The following PIBF1 variants were observed in gnomAD, a reference collection of about 807,000 sequenced individuals.
PIBF1 encodes progesterone immunomodulatory binding factor 1, also known as progesterone-induced-blocking factor 1.
Under a neutral mutation model 112.5 loss-of-function variants are expected in PIBF1, and 90 were observed. The observed-to-expected ratio is 0.80, with a 90% CI of 0.67 to 0.95. The LOEUF (loss-of-function observed/expected upper bound fraction) is 0.95, where lower values mean the gene tolerates loss of function less well. PIBF1 is among the 40% of genes least tolerant of loss of function. PIBF1 has a pLI of 0.00. For synonymous variants in PIBF1, 301 were observed against 288.6 expected (o/e 1.04, Z -0.44); for missense variants, 915 against 852.3 (o/e 1.07, Z -0.92).
chr13:72,953,910 A>C (rs1451331655), intron 14 of PIBF1, among the ~76,000 whole-genome samples: 2 of 152,070 alleles, frequency 1.3e-5, no homozygotes, highest in Non-Finnish European at 2.9e-5. Flanking sequence ...GAGCCTCCAA[A>C]TATCCCTGTC....
rs1465733208 is a variant in PIBF1, at chr13:72,904,267, A to G, written c.1489-4264A>G. Among the ~76,000 whole-genome samples the G allele has an allele frequency of 4.0e-5, 6 of 151,870 alleles. No individual in the cohort carries two copies. In the South Asian group the frequency reaches 6.2e-4, roughly 16 times the overall value. ...ATGCAAAGAAACTGAAAGTTATTCA[A>G]TTAGAAGCCTTTCTCAATTGAAAAT... On this transcript the variant is annotated intron_variant, in intron 11 of 17. Transcript: ENST00000326291.
chr13:72,930,595 A>G (rs1044241716), intron 13 of PIBF1, among the ~76,000 whole-genome samples: 2 of 152,210 alleles, frequency 1.3e-5, no homozygotes, highest in African/African-American at 4.8e-5. Flanking sequence ...GCAGAGCATC[A>G]GAGGGAGTGA....
chr13:72,849,296 G>C (rs142131030), intron 9 of PIBF1, among the ~76,000 whole-genome samples: 8 of 152,242 alleles, frequency 5.3e-5, no homozygotes, highest in African/African-American at 1.4e-4. Context: ...ATCTTTCTTT[G>C]TTATAATTAC....
At chr13:73,004,505 G>GA (rs55680543) in intron 17 of PIBF1, among the ~76,000 whole-genome samples, 1,429 of 141,700 alleles carry the variant, frequency 0.01, 16 homozygotes, top group Middle Eastern at 0.022. Context: ...AAAAAAAAAA[G>GA]AAAGAAAAGA....
intron 10 of PIBF1, among the ~76,000 whole-genome samples, chr13:72,890,791 A>C (rs1008018418): frequency 9.2e-5 from 14 of 152,134 alleles, no homozygotes; most frequent in African/African-American, 3.4e-4. Flanking sequence ...AGTTACCTGA[A>C]ACTAGCTCCT....
intron 5 of PIBF1, among the ~76,000 whole-genome samples, chr13:72,807,385 G>A (rs1323691406): frequency 6.6e-6 from 1 of 152,054 alleles, no homozygotes; most frequent in Non-Finnish European, 1.5e-5. Context: ...GACCAGCCTG[G>A]TTAATATGGC....
rs150271422 is a variant in PIBF1 at position 72,951,874 on chromosome 13, G to C, written c.1834-13400G>C. ...GCACCACCAAACCTGGCTAATTTTAGTATTTTTAGTAGAGACGGGGTTTCA... is the reference window on the plus strand; with the variant it reads ...GCACCACCAAACCTGGCTAATTTTACTATTTTTAGTAGAGACGGGGTTTCA... On this transcript the variant is annotated intron_variant, in intron 14 of 17. Coordinates refer to ENST00000326291, the MANE Select transcript of PIBF1 (RefSeq NM_006346.4). 5.3e-3 allele frequency among the ~76,000 whole-genome samples: 812 copies of C among 152,140 alleles called. 15 individuals carry two copies. Among genetic ancestry groups the C allele is most frequent in the African/African-American group, 0.018 (761 of 41,508 alleles).
intron 10 of PIBF1, among the ~76,000 whole-genome samples, chr13:72,879,058 T>G (rs2039518537): frequency 6.6e-6 from 1 of 152,166 alleles, no homozygotes; most frequent in South Asian, 2.1e-4. Flanking sequence ...AATCTATTAA[T>G]TGGTGAATTT....
chr13:72,860,197 G>C (rs534769409), intron 10 of PIBF1, among the ~76,000 whole-genome samples: 7 of 152,226 alleles, frequency 4.6e-5, no homozygotes, highest in Admixed American at 1.3e-4. Context: ...CCGTGTAAAA[G>C]AGTTGACGCA....
intron 9 of PIBF1, among the ~76,000 whole-genome samples, chr13:72,845,205 G>A (rs2037815605): frequency 6.8e-6 from 1 of 147,332 alleles, no homozygotes; most frequent in Admixed American, 7.0e-5. Context: ...TGTTCTCATT[G>A]TTCAGCTCCC....
At chr13:72,951,450 T>C (rs1356691209) in intron 14 of PIBF1, among the ~76,000 whole-genome samples, 2 of 152,208 alleles carry the variant, frequency 1.3e-5, no homozygotes, top group Non-Finnish European at 2.9e-5. Flanking sequence ...CATTGAAATA[T>C]TTCCTCAGAA....
rs71099767 is a variant in PIBF1, at chr13:72,904,433, C to CTTTTTTTTTTTTTTTTTTTTTTTTTTTTT, written c.1489-4073_1489-4072insTTTTTTTTTTTTTTTTTTTTTTTTTTTTT. 8.5e-4 allele frequency among the ~76,000 whole-genome samples: 31 copies of CTTTTTTTTTTTTTTTTTTTTTTTTTTTTT among 36,558 alleles called. 6 individuals carry two copies. Among genetic ancestry groups the CTTTTTTTTTTTTTTTTTTTTTTTTTTTTT allele is most frequent in the East Asian group, 7.8e-3 (7 of 902 alleles). The allele number at this position is 36,558 out of a possible 152,430, so 24.0% of individuals were successfully genotyped here. A position where few individuals can be genotyped will look rare whatever the true frequency, so the allele number is the denominator to read the frequency against. ...ATTTATCCAAAATATCAAAATATTT[C>CTTTTTTTTTTTTTTTTTTTTTTTTTTTTT]TTTTTTTTTTTTTTTTTTTTTTTTT... is the stretch of plus-strand genomic sequence containing the variant. On this transcript the variant is annotated intron_variant, in intron 11 of 17. Coordinates refer to ENST00000326291, the MANE Select transcript of PIBF1 (RefSeq NM_006346.4).
chr13:72,803,058 CAA>C (rs2035559108), intron 5 of PIBF1, among the ~76,000 whole-genome samples: 1 of 152,060 alleles, frequency 6.6e-6, no homozygotes, highest in African/African-American at 2.4e-5. Context: ...AAAACCTTGT[CAA>C]GAGTAGTTCT....
chr13:72,952,454 T>G (rs2042325372), intron 14 of PIBF1, among the ~76,000 whole-genome samples: 1 of 152,076 alleles, frequency 6.6e-6, no homozygotes, highest in African/African-American at 2.4e-5. Context: ...TTTCAAATTA[T>G]TTATCTAGTA....
chr13:72,821,456 C>A (rs1182826628), intron 5 of PIBF1, among the ~76,000 whole-genome samples: 2 of 152,064 alleles, frequency 1.3e-5, no homozygotes. Flanking sequence ...TATGACTTTT[C>A]ATCTCTAAAC....
rs540510681 is a variant in PIBF1 at position 72,982,975 on chromosome 13, C to G, written c.2049+9300C>G. Among the ~76,000 whole-genome samples the G allele has an allele frequency of 2.6e-5, 4 of 152,324 alleles. No individual in the cohort carries two copies. The South Asian group carries it at 8.3e-4, about 32-fold the overall frequency. On this transcript the variant is annotated intron_variant, in intron 16 of 17. Coordinates refer to ENST00000326291, the MANE Select transcript of PIBF1 (RefSeq NM_006346.4). ...AAACCTTGGAGATGGTAGTTGTAGG[C>G]ACAGCAACCTCTATGGTTATCACAC... is the stretch of plus-strand genomic sequence containing the variant.
chr13:72,997,394 A>G (rs2043712980), intron 16 of PIBF1, among the ~76,000 whole-genome samples: 1 of 152,226 alleles, frequency 6.6e-6, no homozygotes, highest in South Asian at 2.1e-4. Flanking sequence ...CAAATGGCCC[A>G]GATAATCATA....
chr13:72,843,744 T>C (rs1398437482), intron 9 of PIBF1, among the ~76,000 whole-genome samples: 1 of 152,162 alleles, frequency 6.6e-6, no homozygotes, highest in Non-Finnish European at 1.5e-5. Flanking sequence ...GTGGCAGCCC[T>C]GACCAAGCTC....
At position 72,919,676 on chromosome 13, in the gene PIBF1, G is replaced by A. The variant is rs114823596; in HGVS notation, c.1730+2510G>A. 4.3e-3 allele frequency among the ~76,000 whole-genome samples: 654 copies of A among 152,116 alleles called. 10 individuals are homozygous for A. Among genetic ancestry groups the A allele is most frequent in the African/African-American group, 0.015 (608 of 41,502 alleles). On this transcript the variant is annotated intron_variant, in intron 13 of 17. Coordinates refer to ENST00000326291, the MANE Select transcript of PIBF1 (RefSeq NM_006346.4). ...TCCTTCAAAAGAATCTTTGTTACAA[G>A]AAAAAATAGGGCTGGGTGCAGTGAC...
Sources: gnomAD v4.1 joint callset for allele counts (sites outside exome capture counted in the v4.1 genomes callset) on GRCh38, gnomAD v4.1.1 for gene constraint, MANE v1.5 for transcripts, NCBI Gene and HGNC (gene_info 2026-07-23, HGNC 2026-07-21) for gene names.